MAGI2: variants seen among roughly 807,000 people sequenced by gnomAD.
The protein encoded by MAGI2 is membrane-associated guanylate kinase, WW and PDZ domain-containing protein 2.
MAGI2 carries 35 observed loss-of-function variants against 133.3 expected under a neutral mutation model. The observed-to-expected ratio is 0.26, with a 90% CI of 0.20 to 0.35. The LOEUF (loss-of-function observed/expected upper bound fraction) is 0.35, where lower values mean the gene tolerates loss of function less well. MAGI2 is among the 10% of genes least tolerant of loss of function. The probability of loss-of-function intolerance (pLI) is 1.00; values close to 1 mark genes in which losing one functional copy is unlikely to be tolerated. For synonymous variants in MAGI2, 729 were observed against 710.6 expected (o/e 1.03, Z -0.41); for missense variants, 1,636 against 1,863.4 (o/e 0.88, Z 2.25).
chr7:78,735,207 C>T (rs998099329), intron 2 of MAGI2, among the ~76,000 whole-genome samples: 11 of 152,082 alleles, frequency 7.2e-5, no homozygotes, highest in Non-Finnish European at 1.2e-4. Context: ...AGAAAAATTA[C>T]ATTATAATGT....
At chr7:78,894,095 A>T (rs944690855) in intron 2 of MAGI2, among the ~76,000 whole-genome samples, 1 of 152,190 alleles carries the variant, frequency 6.6e-6, no homozygotes, top group Admixed American at 6.5e-5. Context: ...AAGTAACCAG[A>T]TGATTTTTAA....
At chr7:79,231,342 A>G (rs1410482802) in intron 1 of MAGI2, among the ~76,000 whole-genome samples, 2 of 66,192 alleles carry the variant, frequency 3.0e-5, no homozygotes, top group South Asian at 5.6e-4. Flanking sequence ...AGTCATTGGT[A>G]GCTTGATGGG....
intron 9 of MAGI2, among the ~76,000 whole-genome samples, chr7:78,280,537 A>G (rs1479934345): frequency 2.0e-5 from 3 of 152,150 alleles, no homozygotes; most frequent in Non-Finnish European, 4.4e-5. Flanking sequence ...GATATTTATT[A>G]AGTATTCATT....
chr7:78,903,861 C>G (rs1401678513), intron 2 of MAGI2, among the ~76,000 whole-genome samples: 1 of 152,196 alleles, frequency 6.6e-6, no homozygotes, highest in East Asian at 1.9e-4. Context: ...GTATAACTAT[C>G]CTCTTCTTTA....
At chr7:78,431,937 A>T (rs553104152) in intron 6 of MAGI2, among the ~76,000 whole-genome samples, 1 of 152,198 alleles carries the variant, frequency 6.6e-6, no homozygotes, top group Middle Eastern at 3.4e-3. Context: ...TTAGATAGTT[A>T]AGTGAACTTT....
chr7:79,047,886 T>C (rs1191528147), intron 1 of MAGI2, among the ~76,000 whole-genome samples: 1 of 152,140 alleles, frequency 6.6e-6, no homozygotes, highest in Admixed American at 6.6e-5. Context: ...GGGATGGTGA[T>C]TGTATGTGCT....
chr7:79,453,507 G>A lies in MAGI2; in HGVS notation c.-187C>T, dbSNP rs1849444377. On this transcript the variant is annotated 5_prime_UTR_variant, in exon 1 of 22. Coordinates refer to ENST00000354212, the MANE Select transcript of MAGI2 (RefSeq NM_012301.4). ...TGGACGAGGAATGGGGAGGATGAGAGGGACGGCTGGGCAGAGGTAGGAGAG... is the reference window on the plus strand; with the variant it reads ...TGGACGAGGAATGGGGAGGATGAGAAGGACGGCTGGGCAGAGGTAGGAGAG... 2.9e-6 allele frequency: 4 copies of A among 1,400,912 alleles called. No homozygotes were observed. Among genetic ancestry groups the A allele is most frequent in the African/African-American group, 2.9e-5 (2 of 68,832 alleles). The allele number at this position is 1,400,912 out of a possible 1,614,324, so 86.8% of individuals were successfully genotyped here. A position where few individuals can be genotyped will look rare whatever the true frequency, so the allele number is the denominator to read the frequency against.
chr7:78,996,791 T>C (rs1806350953), intron 2 of MAGI2, among the ~76,000 whole-genome samples: 2 of 152,180 alleles, frequency 1.3e-5, no homozygotes, highest in Admixed American at 6.5e-5. Context: ...GAAATAAGTA[T>C]GTTAAACTGA....
intron 2 of MAGI2, among the ~76,000 whole-genome samples, chr7:78,798,387 C>T (rs1261106335): frequency 6.6e-6 from 1 of 152,016 alleles, no homozygotes; most frequent in Non-Finnish European, 1.5e-5. Context: ...TTGGCAACCA[C>T]AAAATTAAGC....
At position 78,019,870 on chromosome 7, in the gene MAGI2, G is replaced by A; in HGVS notation, c.3813C>T (p.Ala1271=). The stretch of plus-strand genomic sequence containing the variant: ...TCTGGTGGGAAGGGTCGGAGGGTGG[G>A]GCTGGATGTGATGGAGAGAATGGAG... ...GLAPFSPSHP[A]PPSDPSHQIS... Residue 1271 remains alanine, a synonymous_variant, in exon 22 of 22, where the codon GCC becomes GCT. Coordinates refer to ENST00000354212, the MANE Select transcript of MAGI2 (RefSeq NM_012301.4). 2 of 1,613,286 alleles carry A rather than the reference G, an allele frequency of 1.2e-6. No homozygotes were observed. Among genetic ancestry groups the A allele is most frequent in the Non-Finnish European group, 1.7e-6 (2 of 1,179,808 alleles).
chr7:79,242,539 A>G (rs1832497420), intron 1 of MAGI2, among the ~76,000 whole-genome samples: 1 of 152,200 alleles, frequency 6.6e-6, no homozygotes. Flanking sequence ...TTCTACTCTT[A>G]GTATGCTTTA....
intron 3 of MAGI2, among the ~76,000 whole-genome samples, chr7:78,594,998 T>C (rs1804444774): frequency 6.6e-6 from 1 of 152,202 alleles, no homozygotes; most frequent in African/African-American, 2.4e-5. Flanking sequence ...AGAAGGTATA[T>C]AAGGTCTGGA....
intron 3 of MAGI2, among the ~76,000 whole-genome samples, chr7:78,594,580 C>T (rs978617580): frequency 1.3e-5 from 2 of 152,166 alleles, no homozygotes; most frequent in Non-Finnish European, 2.9e-5. Context: ...GCCTCAGCCT[C>T]CTGAGTAGCT....
intron 1 of MAGI2, among the ~76,000 whole-genome samples, chr7:79,276,482 T>G (rs760314953): frequency 8.5e-5 from 13 of 152,164 alleles, no homozygotes; most frequent in Non-Finnish European, 1.8e-4. Flanking sequence ...TGTTAGAATT[T>G]TTTAGCAATA....
chr7:78,640,373 C>T (rs557897691), intron 2 of MAGI2, among the ~76,000 whole-genome samples: 1 of 152,004 alleles, frequency 6.6e-6, no homozygotes, highest in Non-Finnish European at 1.5e-5. Context: ...ATGCAATTAT[C>T]ATCAGAGAGT....
intron 9 of MAGI2, among the ~76,000 whole-genome samples, chr7:78,267,977 C>G (rs542064882): frequency 4.6e-5 from 7 of 152,230 alleles, no homozygotes; most frequent in Non-Finnish European, 8.8e-5. Context: ...AGAATCATCA[C>G]CAAAGATTTT....
intron 2 of MAGI2, among the ~76,000 whole-genome samples, chr7:78,645,679 T>C (rs1229276670): frequency 6.6e-6 from 1 of 151,400 alleles, no homozygotes; most frequent in Non-Finnish European, 1.5e-5. Flanking sequence ...GTATACCATT[T>C]ACGTGAAGTT....
intron 1 of MAGI2, among the ~76,000 whole-genome samples, chr7:79,328,325 C>G (rs1429677195): frequency 2.0e-5 from 3 of 152,140 alleles, no homozygotes; most frequent in Admixed American, 6.6e-5. Context: ...ATCCTCCTGT[C>G]CAAAGACCCA....
At chr7:78,439,828 T>C (rs920177307) in intron 6 of MAGI2, among the ~76,000 whole-genome samples, 2 of 152,154 alleles carry the variant, frequency 1.3e-5, no homozygotes, top group Non-Finnish European at 2.9e-5. Context: ...AGGTTTTCTT[T>C]CATTGGTTTT....
Sources: allele counts gnomAD v4.1 joint callset (sites outside exome capture counted in the v4.1 genomes callset), GRCh38; gene constraint gnomAD v4.1.1; transcripts MANE v1.5; gene names NCBI Gene and HGNC (gene_info 2026-07-23, HGNC 2026-07-21).